Variants in CTNNA2 observed in about 807,000 individuals in gnomAD.
The protein encoded by CTNNA2 is catenin alpha 2.
A neutral mutation model predicts 101.0 loss-of-function variants in CTNNA2; 42 were observed. That is an observed-to-expected ratio of 0.42 (90% confidence interval 0.32 to 0.54). The LOEUF (loss-of-function observed/expected upper bound fraction) is 0.54. CTNNA2 is among the 20% of genes least tolerant of loss of function. The pLI, the probability that CTNNA2 is intolerant of heterozygous loss-of-function variation, is 0.14. For synonymous variants in CTNNA2, 450 were observed against 456.4 expected, an observed-to-expected ratio of 0.99 and a Z score of 0.18; for missense variants, 871 against 1,223.1, an observed-to-expected ratio of 0.71 and a Z score of 4.29.
chr2:80,482,610 A>T (rs1248999089), intron 9 of CTNNA2, among the ~76,000 whole-genome samples: 1 of 152,188 alleles, frequency 6.6e-6, no homozygotes, highest in Non-Finnish European at 1.5e-5. Context: ...CTGACCCTTC[A>T]TCTAGAGAAA....
intron 7 of CTNNA2, among the ~76,000 whole-genome samples, chr2:80,391,940 G>A (rs913231537): frequency 2.0e-5 from 3 of 152,206 alleles, no homozygotes; most frequent in African/African-American, 7.2e-5. Context: ...AAAAATATAT[G>A]CACATATGCC....
At chr2:79,435,427 T>A (rs927546974) in intron 4 of CTNNA2, among the ~76,000 whole-genome samples, 1 of 152,068 alleles carries the variant, frequency 6.6e-6, no homozygotes, top group Non-Finnish European at 1.5e-5. Flanking sequence ...GCAGGGAAAA[T>A]AAAATTTAGT....
intron 8 of CTNNA2, among the ~76,000 whole-genome samples, chr2:80,413,073 C>T (rs1679730895): frequency 6.6e-6 from 1 of 152,124 alleles, no homozygotes; most frequent in Non-Finnish European, 1.5e-5. Flanking sequence ...CTATAATTAT[C>T]TATTCCATCA....
At chr2:79,343,031 T>C (rs1332304167) in intron 3 of CTNNA2, among the ~76,000 whole-genome samples, 1 of 152,232 alleles carries the variant, frequency 6.6e-6, no homozygotes, top group Non-Finnish European at 1.5e-5. Context: ...TCTGATTATG[T>C]CTAGGAATTT....
chr2:80,154,564 T>G (rs1703898569), intron 7 of CTNNA2, among the ~76,000 whole-genome samples: 1 of 152,188 alleles, frequency 6.6e-6, no homozygotes, highest in Non-Finnish European at 1.5e-5. Context: ...CATACTCTAT[T>G]AGGTCTTTTG....
chr2:79,516,691 C>T (rs1460835939), intron 1 of CTNNA2, among the ~76,000 whole-genome samples: 1 of 152,248 alleles, frequency 6.6e-6, no homozygotes. Flanking sequence ...CCTAAAGCCC[C>T]ATCCTGAGAC....
At chr2:80,140,330 T>C (rs982096167) in intron 7 of CTNNA2, among the ~76,000 whole-genome samples, 1 of 152,162 alleles carries the variant, frequency 6.6e-6, no homozygotes, top group African/African-American at 2.4e-5. Flanking sequence ...CCACATACTA[T>C]ACACTTTGTT....
chr2:79,186,040 A>C (rs2104149114), intron 1 of CTNNA2, among the ~76,000 whole-genome samples: 1 of 152,290 alleles, frequency 6.6e-6, no homozygotes, highest in African/African-American at 2.4e-5. Flanking sequence ...CTGCTACAGA[A>C]GGATTATTAT....
upstream of CTNNA2, among the ~76,000 whole-genome samples, chr2:79,512,419 TC>T (rs1213225883): frequency 1.3e-5 from 2 of 151,914 alleles, no homozygotes; most frequent in Admixed American, 6.6e-5. Context: ...AAATCTCCCT[TC>T]CTCTCCCCTC....
At position 80,181,913 on chromosome 2, in the gene CTNNA2, C is replaced by T. The variant is rs376653242; in HGVS notation, c.1057-211298C>T. ...TCTAATCATATTAAGCAGCCAACTC[C>T]AGAAGCCCCCAAATCAACTAAAGAA... On this transcript the variant is annotated intron_variant, in intron 7 of 18. Coordinates refer to ENST00000402739, the MANE Select transcript of CTNNA2 (RefSeq NM_001282597.3). Among the ~76,000 whole-genome samples the T allele has an allele frequency of 1.1e-4, 17 of 152,288 alleles. No individual in the cohort carries two copies. In the South Asian group the frequency reaches 3.5e-3, roughly 32 times the overall value.
Position 79,624,157 on chromosome 2 carries a change from TA to T in CTNNA2, c.-5-27388del, listed in dbSNP as rs1679165793. Among the ~76,000 whole-genome samples the T allele has an allele frequency of 2.6e-5, 4 of 152,100 alleles. No individual in the cohort carries two copies. The South Asian group carries it at 8.3e-4, about 32-fold the overall frequency. On this transcript the variant is annotated intron_variant, in intron 1 of 18. Transcript: ENST00000402739. The stretch of plus-strand genomic sequence containing the variant: ...AGAGAAACTCTGGGCAAATCCAGTT[TA>T]AAAAAAGAAAAGATTATCCCTGATT...
At chr2:79,432,738 T>C (rs115589228) in intron 4 of CTNNA2, among the ~76,000 whole-genome samples, 1,825 of 152,336 alleles carry the variant, frequency 0.012, 28 homozygotes, top group African/African-American at 0.042. Context: ...GCTGTGGTAT[T>C]GCCAGGAAGG....
At chr2:80,074,649 C>A (rs1205885901) in intron 7 of CTNNA2, among the ~76,000 whole-genome samples, 2 of 152,120 alleles carry the variant, frequency 1.3e-5, no homozygotes, top group Non-Finnish European at 2.9e-5. Flanking sequence ...GCTCTTCCCC[C>A]TCAGTGACCA....
intron 2 of CTNNA2, among the ~76,000 whole-genome samples, chr2:79,231,745 T>C (rs1674496239): frequency 6.6e-6 from 1 of 152,176 alleles, no homozygotes; most frequent in South Asian, 2.1e-4. Flanking sequence ...CAGCAATGTA[T>C]TGTAGTTCTG....
chr2:80,003,112 C>A (rs1436207829), intron 7 of CTNNA2, among the ~76,000 whole-genome samples: 1 of 152,172 alleles, frequency 6.6e-6, no homozygotes, highest in Non-Finnish European at 1.5e-5. Flanking sequence ...GCAGCAGCAG[C>A]CTGTGAGATG....
At position 79,486,672 on chromosome 2, in the gene CTNNA2, C is replaced by A. The variant is rs982324653; in HGVS notation, c.-134-18382C>A. Among the ~76,000 whole-genome samples, 3 of 152,184 alleles carry A rather than the reference C, an allele frequency of 2.0e-5. No individual in the cohort carries two copies. In the East Asian group the frequency reaches 5.8e-4, roughly 29 times the overall value. On this transcript the variant is annotated intron_variant, in intron 4 of 21. Transcript: ENST00000466387. Reference sequence around the variant, plus strand: ...CACACTGACTTCCACAATGATTGAACTAGTTTACAGTCCCACCAACTGTGT... The same window carrying A: ...CACACTGACTTCCACAATGATTGAAATAGTTTACAGTCCCACCAACTGTGT...
At chr2:79,563,871 A>G (rs190801671) in intron 1 of CTNNA2, among the ~76,000 whole-genome samples, 9 of 152,286 alleles carry the variant, frequency 5.9e-5, no homozygotes, top group Admixed American at 3.9e-4. Flanking sequence ...ATGCCATTAA[A>G]GGCTAGATTG....
chr2:79,555,463 G>A (rs542778447), intron 1 of CTNNA2, among the ~76,000 whole-genome samples: 7 of 152,196 alleles, frequency 4.6e-5, no homozygotes, highest in Middle Eastern at 3.4e-3. Context: ...TACATACTAC[G>A]AATTTAGAAG....
chr2:80,495,892 A>G (rs2149524592), intron 9 of CTNNA2, among the ~76,000 whole-genome samples: 1 of 138,680 alleles, frequency 7.2e-6, no homozygotes, highest in Non-Finnish European at 1.5e-5. Flanking sequence ...GTGAGCCGAG[A>G]TTATGCCACT....
Sources: allele counts gnomAD v4.1 joint callset (sites outside exome capture counted in the v4.1 genomes callset), GRCh38; gene constraint gnomAD v4.1.1; transcripts MANE v1.5; gene names NCBI Gene and HGNC (gene_info 2026-07-23, HGNC 2026-07-21).